Variants in PPP2R3B observed in about 807,000 individuals in gnomAD.
PPP2R3B encodes serine/threonine-protein phosphatase 2A regulatory subunit B'' subunit beta.
In PPP2R3B, 68 loss-of-function variants were observed where a neutral mutation model predicts 72.9. The observed-to-expected ratio is 0.93, with a 90% CI of 0.77 to 1.14. PPP2R3B has a LOEUF of 1.14. PPP2R3B is among the 50% of genes most tolerant of loss of function. The pLI, the probability that PPP2R3B is intolerant of heterozygous loss-of-function variation, is 0.00. For synonymous variants in PPP2R3B, 466 were observed against 375.8 expected, an observed-to-expected ratio of 1.24 and a Z score of -2.78; for missense variants, 1,018 against 842.0, an observed-to-expected ratio of 1.21 and a Z score of -2.59.
chrX:334,200 G>C lies in PPP2R3B; in HGVS notation c.*167C>G, dbSNP rs1018354858. 2.4e-6 allele frequency: 2 copies of C among 818,956 alleles called. No homozygotes were observed. Among genetic ancestry groups the C allele is most frequent in the African/African-American group, 1.9e-5 (1 of 53,596 alleles). 50.7% of individuals were successfully genotyped at this position (818,956 alleles called of 1,614,324 possible). On this transcript the variant is annotated 3_prime_UTR_variant, in exon 13 of 13. Transcript: ENST00000390665. ...CCCCCTGGCACAGAGCTCTGGGCAG[G>C]TCCAGCCACGAACCCACAGCGGCAA...
At chrX:335,793 G>C (rs1019118883) in intron 12 of PPP2R3B, 1 of 152,222 alleles carries the variant, frequency 6.6e-6, no homozygotes, top group Non-Finnish European at 1.5e-5. Flanking sequence ...GGATTCTGCA[G>C]ACATCAGAGT....
chrX:371,860 C>G (rs1440195424), intron 1 of PPP2R3B, among the ~76,000 whole-genome samples: 1 of 151,050 alleles, frequency 6.6e-6, no homozygotes, highest in Non-Finnish European at 1.5e-5. Flanking sequence ...TCCTCCACCA[C>G]CCCTCAGACA....
At chrX:341,429 T>A in intron 8 of PPP2R3B, 33 bp from the exon 9 acceptor site, 2 of 1,606,000 alleles carry the variant, frequency 1.2e-6, no homozygotes, top group Non-Finnish European at 1.7e-6. Flanking sequence ...GAGACGAAGA[T>A]GCATGTCAGG....
At chrX:337,661 G>GC (rs2070927079) in intron 12 of PPP2R3B, 1 of 152,316 alleles carries the variant, frequency 6.6e-6, no homozygotes, top group Non-Finnish European at 1.5e-5. Flanking sequence ...CACCAGAATG[G>GC]CCCCGACAGT....
chrX:374,336 C>T (rs1332002414), intron 1 of PPP2R3B, among the ~76,000 whole-genome samples: 1 of 152,186 alleles, frequency 6.6e-6, no homozygotes, highest in Admixed American at 6.5e-5. Context: ...CAAACACGCA[C>T]GGCAGCCCAG....
At chrX:382,465 T>C (rs1304481872) in intron 1 of PPP2R3B, among the ~76,000 whole-genome samples, 1 of 150,868 alleles carries the variant, frequency 6.6e-6, no homozygotes, top group Non-Finnish European at 1.5e-5. Flanking sequence ...CCCAAAGTGC[T>C]AGGAATTCAG....
intron 7 of PPP2R3B, 179 bp downstream of exon 7, chrX:345,337 G>C (rs28677859): frequency 4.2e-4 from 375 of 900,532 alleles, no homozygotes; most frequent in South Asian, 6.5e-4. Context: ...ACCCAGACAC[G>C]GGGCAGCGAC....
At position 386,517 on chromosome X, in the gene PPP2R3B, G is replaced by T. The variant is rs767263059; in HGVS notation, c.175C>A (p.Pro59Thr). ...CGGGGGGCGGCGAGCGGGGCTGTGG[G>T]CCAGGCCCCGGGCTGCTCCCCGTCC... is the stretch of plus-strand genomic sequence containing the variant. Reference protein sequence around the residue: ...PGDGEQPGAWPTAPLAAPRPS... With the variant: ...PGDGEQPGAWTTAPLAAPRPS... Residue 59 changes from proline (P) to threonine (T), a missense_variant, in exon 1 of 13, where the codon CCC (proline) becomes ACC (threonine). Coordinates refer to ENST00000390665, the MANE Select transcript of PPP2R3B (RefSeq NM_013239.5). 7.3e-7 allele frequency: 1 copy of T among 1,361,238 alleles called. No individual in the cohort carries two copies. Among genetic ancestry groups the T allele is most frequent in the South Asian group, 1.7e-5 (1 of 57,754 alleles). The allele number at this position is 1,361,238 out of a possible 1,614,324, so 84.3% of individuals were successfully genotyped here. A position where few individuals can be genotyped will look rare whatever the true frequency, so the allele number is the denominator to read the frequency against.
chrX:361,487 G>A lies in PPP2R3B; in HGVS notation c.428C>T (p.Ala143Val), dbSNP rs2071539277. Residue 143 changes from alanine (A) to valine (V), a missense_variant, in exon 2 of 13, where the codon GCC (alanine) becomes GTC (valine). Ala to Val is a moderately conservative substitution (Grantham distance 64). Transcript: ENST00000390665. The stretch of plus-strand genomic sequence containing the variant: ...GGTGCTCTCGATCTTGCTGATGACG[G>A]CATCCACGTTGACGGAGTCCTGCGG... ...GRPQDSVNVD[A>V]VISKIESTFA... 1.2e-6 allele frequency: 2 copies of A among 1,613,908 alleles called. No homozygotes were observed. Among genetic ancestry groups the A allele is most frequent in the African/African-American group, 2.7e-5 (2 of 74,950 alleles).
chrX:341,270 T>G (rs779612605), intron 9 of PPP2R3B, 37 bp downstream of exon 9: 2 of 1,605,000 alleles, frequency 1.2e-6, no homozygotes, highest in Middle Eastern at 1.7e-4. Context: ...TCCCGGCCCC[T>G]CCACTGGGAC....
At position 355,629 on chromosome X, in the gene PPP2R3B, G is replaced by A. The variant is rs1242534329; in HGVS notation, c.510+5776C>T. ...CCTCCACACACGCACATGGAACACCGTGCTGTATATGCCACAAACGTCTCC... is the reference window on the plus strand; with the variant it reads ...CCTCCACACACGCACATGGAACACCATGCTGTATATGCCACAAACGTCTCC... On this transcript the variant is annotated intron_variant, in intron 2 of 12. Transcript: ENST00000390665. Among the ~76,000 whole-genome samples, 6 of 152,182 alleles carry A rather than the reference G, an allele frequency of 3.9e-5. No homozygotes were observed. In the East Asian group the frequency reaches 7.7e-4, roughly 20 times the overall value.
At position 334,327 on chromosome X, in the gene PPP2R3B, C is replaced by A. The variant is rs747518723; in HGVS notation, c.*40G>T. 3 of 1,445,500 alleles carry A rather than the reference C, an allele frequency of 2.1e-6. No individual in the cohort carries two copies. Among genetic ancestry groups the A allele is most frequent in the Non-Finnish European group, 2.7e-6 (3 of 1,104,812 alleles). 89.5% of individuals were successfully genotyped at this position (1,445,500 alleles called of 1,614,324 possible). A position where few individuals can be genotyped will look rare whatever the true frequency, so the allele number is the denominator to read the frequency against. ...GAGCCGCGGTGGCCCGGTGGTGGCA[C>A]GTGGGGAGCGGCCCCGCGGCGGCGT... On this transcript the variant is annotated 3_prime_UTR_variant, in exon 13 of 13. Coordinates refer to ENST00000390665, the MANE Select transcript of PPP2R3B (RefSeq NM_013239.5).
chrX:339,117 C>T lies in PPP2R3B; in HGVS notation c.1352-221G>A, dbSNP rs182859703. On this transcript the variant is annotated intron_variant, in intron 10 of 12. Coordinates refer to ENST00000390665, the MANE Select transcript of PPP2R3B (RefSeq NM_013239.5). ...TGATGCGGAGGCGACTAGGGGCCAC[C>T]GGTGCCCCAAGGATGCGTGGACTGG... Among the ~76,000 whole-genome samples the T allele has an allele frequency of 1.7e-4, 24 of 145,204 alleles. No individual in the cohort carries two copies. In the East Asian group the frequency reaches 1.7e-3, roughly 10 times the overall value.
chrX:352,352 A>G (rs1226193220), intron 2 of PPP2R3B, among the ~76,000 whole-genome samples: 2 of 152,246 alleles, frequency 1.3e-5, no homozygotes, highest in South Asian at 4.1e-4. Context: ...GCCAGCCCTG[A>G]CAGTCCCTTC....
At chrX:351,726 G>A (rs1014213995) in intron 2 of PPP2R3B, among the ~76,000 whole-genome samples, 6 of 150,732 alleles carry the variant, frequency 4.0e-5, no homozygotes, top group African/African-American at 1.5e-4. Context: ...TTCGAGACAC[G>A]GTCTTGCTGT....
intron 10 of PPP2R3B, 112 bp downstream of exon 10, chrX:340,653 T>A: frequency 4.3e-6 from 1 of 231,620 alleles, no homozygotes; most frequent in Non-Finnish European, 6.7e-6. Flanking sequence ...CCCTGGGCTG[T>A]CATCCGTCCC....
At chrX:378,195 C>T (rs1266640430) in intron 1 of PPP2R3B, among the ~76,000 whole-genome samples, 2 of 152,312 alleles carry the variant, frequency 1.3e-5, no homozygotes, top group East Asian at 1.9e-4. Context: ...CCATCTGGGC[C>T]GATGAAGCCC....
chrX:357,566 T>C (rs2071462154), intron 2 of PPP2R3B, among the ~76,000 whole-genome samples: 1 of 152,208 alleles, frequency 6.6e-6, no homozygotes, highest in South Asian at 2.1e-4. Flanking sequence ...AGAAAGTGTC[T>C]ATGTATGATG....
At chrX:336,267 G>C (rs1403502542) in intron 12 of PPP2R3B, 2 of 152,192 alleles carry the variant, frequency 1.3e-5, no homozygotes, top group African/African-American at 4.8e-5. Context: ...GGGAACACGA[G>C]GCTGGCTGAA....
Sources: allele counts gnomAD v4.1 joint callset (sites outside exome capture counted in the v4.1 genomes callset), GRCh38; gene constraint gnomAD v4.1.1; transcripts MANE v1.5; gene names NCBI Gene and HGNC (gene_info 2026-07-23, HGNC 2026-07-21).